STARD13: variants seen among roughly 807,000 people sequenced by gnomAD.
STARD13 encodes the protein StAR related lipid transfer domain containing 13, also known as stAR-related lipid transfer protein 13.
Under a neutral mutation model 106.4 loss-of-function variants are expected in STARD13, and 62 were observed. That is an observed-to-expected ratio of 0.58 (90% CI 0.48 to 0.72). The LOEUF is 0.72. Ranked by LOEUF, STARD13 falls within the 30% of genes least tolerant of loss-of-function variation. The pLI, the probability that STARD13 is intolerant of heterozygous loss-of-function variation, is 0.00. For synonymous variants in STARD13, 565 were observed against 553.0 expected (o/e 1.02, Z -0.31); for missense variants, 1,387 against 1,424.0 (o/e 0.97, Z 0.42).
At chr13:33,153,680 C>T (rs17078629) in intron 3 of STARD13, among the ~76,000 whole-genome samples, 3,724 of 152,340 alleles carry the variant, frequency 0.024, 143 homozygotes, top group African/African-American at 0.085. Context: ...GACATCTAAA[C>T]TGCCAGACTT....
At chr13:33,348,508 G>A (rs536273177), downstream of STARD13, 1 of 152,456 alleles carries the variant, frequency 6.6e-6, no homozygotes, top group East Asian at 1.9e-4. Context: ...GCCTTGGCAG[G>A]CCTCCTGGAA....
chr13:33,609,105 A>AAAAAG, the STARD13 span, among the ~76,000 whole-genome samples: 1,284 of 133,090 alleles, frequency 9.6e-3, 132 homozygotes, highest in African/African-American at 0.041. Context: ...AAAAAAAAAA[A>AAAAAG]AAATATTGAT....
the STARD13 span, among the ~76,000 whole-genome samples, chr13:33,525,332 T>C: frequency 6.6e-6 from 1 of 152,078 alleles, no homozygotes; most frequent in Non-Finnish European, 1.5e-5. Context: ...TCCAAATGTG[T>C]TTTTAAAACT....
At position 33,291,191 on chromosome 13, in the gene STARD13, T is replaced by C. The variant is rs558285466; in HGVS notation, c.124+59099A>G. On this transcript the variant is annotated intron_variant, in intron 1 of 5. Transcript: ENST00000567873. ...ACCCCAAGCTATTGAAGAATGTTCT[T>C]CTTTTTAATTTCCATCCACTAGCTC... Among the ~76,000 whole-genome samples, 5 of 151,674 alleles carry C rather than the reference T, an allele frequency of 3.3e-5. No individual in the cohort carries two copies. In the East Asian group the frequency reaches 9.6e-4, roughly 29 times the overall value.
chr13:33,343,594 A>AAC (rs1555264024), intron 1 of STARD13, among the ~76,000 whole-genome samples: 1 of 93,320 alleles, frequency 1.1e-5, no homozygotes, highest in East Asian at 3.2e-4. Flanking sequence ...AAAAAAAAAA[A>AAC]AAACAAATCT....
the STARD13 span, among the ~76,000 whole-genome samples, chr13:33,535,079 G>A: frequency 6.6e-6 from 1 of 152,188 alleles, no homozygotes; most frequent in East Asian, 1.9e-4. Flanking sequence ...GCCTGGTGTG[G>A]TTGTGCATGC....
chr13:33,211,451 A>G (rs532147304), intron 1 of STARD13, among the ~76,000 whole-genome samples: 11 of 152,254 alleles, frequency 7.2e-5, no homozygotes, highest in African/African-American at 2.2e-4. Context: ...CACACTTGTT[A>G]TATATGTGGG....
At chr13:33,162,328 G>C (rs1434847077) in intron 3 of STARD13, among the ~76,000 whole-genome samples, 2 of 152,240 alleles carry the variant, frequency 1.3e-5, no homozygotes, top group Non-Finnish European at 2.9e-5. Flanking sequence ...GTCTATGATA[G>C]GAGGGACTGC....
chr13:33,661,809 A>C, the STARD13 span, among the ~76,000 whole-genome samples: 1 of 152,066 alleles, frequency 6.6e-6, no homozygotes, highest in Non-Finnish European at 1.5e-5. Context: ...ACACAGAGCC[A>C]ACCCATATCA....
the STARD13 span, among the ~76,000 whole-genome samples, chr13:33,534,617 A>AT: frequency 1.3e-5 from 2 of 152,096 alleles, no homozygotes; most frequent in Non-Finnish European, 2.9e-5. Flanking sequence ...TTTCTAATGT[A>AT]TTTTTTTATA....
At chr13:33,533,897 A>C in the STARD13 span, among the ~76,000 whole-genome samples, 10 of 152,220 alleles carry the variant, frequency 6.6e-5, no homozygotes, top group South Asian at 2.1e-4. Flanking sequence ...ACATCATCAG[A>C]AGGTGTTTTC....
At chr13:33,606,054 C>T in the STARD13 span, among the ~76,000 whole-genome samples, 2 of 152,302 alleles carry the variant, frequency 1.3e-5, no homozygotes, top group African/African-American at 2.4e-5. Context: ...AATCCCAGCA[C>T]TTTGGGAAGC....
chr13:33,343,591 A>AAAAAAAAC (rs2077986048), intron 1 of STARD13, among the ~76,000 whole-genome samples: 1 of 94,584 alleles, frequency 1.1e-5, no homozygotes, highest in Non-Finnish European at 2.1e-5. Flanking sequence ...AAAAAAAAAA[A>AAAAAAAAC]AAAAAACAAA....
chr13:33,180,180 A>T (rs372440112), intron 1 of STARD13, among the ~76,000 whole-genome samples: 10 of 152,344 alleles, frequency 6.6e-5, no homozygotes, highest in African/African-American at 2.2e-4. Flanking sequence ...CATAAATGAG[A>T]TGTGACACTT....
At chr13:33,384,360 G>A in the STARD13 span, among the ~76,000 whole-genome samples, 123 of 152,264 alleles carry the variant, frequency 8.1e-4, 2 homozygotes, top group Admixed American at 7.3e-3. Context: ...CTAAGAGTCC[G>A]GGAAGCTGAC....
At chr13:33,498,389 T>C in the STARD13 span, among the ~76,000 whole-genome samples, 1 of 152,200 alleles carries the variant, frequency 6.6e-6, no homozygotes, top group Non-Finnish European at 1.5e-5. Context: ...TTAGGGATTG[T>C]TAGAGCCTCT....
chr13:33,248,441 T>C (rs991409523), intron 1 of STARD13, among the ~76,000 whole-genome samples: 1 of 152,224 alleles, frequency 6.6e-6, no homozygotes, highest in Non-Finnish European at 1.5e-5. Flanking sequence ...TGGAAGTCTA[T>C]GGCGATCCTG....
chr13:33,121,737 A>G (rs665833), intron 7 of STARD13, among the ~76,000 whole-genome samples: 47,538 of 145,848 alleles, frequency 0.33, 8,321 homozygotes, highest in Non-Finnish European at 0.41. Context: ...GGAGTGCAGT[A>G]GCATGATCTC....
chr13:33,373,769 A>G, the STARD13 span, among the ~76,000 whole-genome samples: 2 of 138,920 alleles, frequency 1.4e-5, no homozygotes, highest in African/African-American at 5.8e-5. Flanking sequence ...TTAGGACACT[A>G]TTAAAAAAAA....
Sources: gnomAD v4.1 joint callset for allele counts (sites outside exome capture counted in the v4.1 genomes callset) on GRCh38, gnomAD v4.1.1 for gene constraint, MANE v1.5 for transcripts, NCBI Gene and HGNC (gene_info 2026-07-23, HGNC 2026-07-21) for gene names.